TTC27: variants seen among roughly 807,000 people sequenced by gnomAD.
TTC27 encodes the protein tetratricopeptide repeat domain 27.
In TTC27, 79 loss-of-function variants were observed where a neutral mutation model predicts 115.9. The ratio of observed to expected loss-of-function variants is 0.68; its 90% CI spans 0.57 to 0.82. The LOEUF (loss-of-function observed/expected upper bound fraction) is 0.82. Among genes scored for constraint, TTC27 ranks in the 40% least tolerant of loss-of-function variants. The probability of loss-of-function intolerance (pLI) is 0.00; values close to 1 mark genes in which losing one functional copy is unlikely to be tolerated. For missense variants in TTC27, 1,054 were observed against 993.1 expected (o/e 1.06, Z -0.82); for synonymous variants, 401 against 356.0 (o/e 1.13, Z -1.42).
At chr2:32,684,355 T>C (rs948571328) in intron 9 of TTC27, among the ~76,000 whole-genome samples, 5 of 152,032 alleles carry the variant, frequency 3.3e-5, no homozygotes, top group Admixed American at 3.3e-4. Context: ...TCCAAGTCTT[T>C]GCTATTGTGA....
chr2:32,797,874 A>G (rs1302619728), intron 16 of TTC27, among the ~76,000 whole-genome samples: 1 of 152,194 alleles, frequency 6.6e-6, no homozygotes, highest in Non-Finnish European at 1.5e-5. Context: ...TGATAAGGGA[A>G]TAATATCCAG....
At chr2:32,696,505 G>A (rs1666994933) in intron 9 of TTC27, among the ~76,000 whole-genome samples, 1 of 151,772 alleles carries the variant, frequency 6.6e-6, no homozygotes, top group Admixed American at 6.6e-5. Context: ...TGTTGCCCAG[G>A]CTGGTTTCAA....
At chr2:32,791,763 T>G (rs966420538) in intron 16 of TTC27, among the ~76,000 whole-genome samples, 1 of 152,122 alleles carries the variant, frequency 6.6e-6, no homozygotes, top group Non-Finnish European at 1.5e-5. Flanking sequence ...CAGCCCCAGC[T>G]ACTTGTGAGG....
chr2:32,696,464 G>T (rs34594070), intron 9 of TTC27, among the ~76,000 whole-genome samples: 82,519 of 150,798 alleles, frequency 0.55, 23,542 homozygotes, highest in East Asian at 0.66. Context: ...TAATTTTTTT[G>T]TGTGTTTTTA....
At chr2:32,809,721 C>T (rs1206022820) in intron 16 of TTC27, among the ~76,000 whole-genome samples, 1 of 152,152 alleles carries the variant, frequency 6.6e-6, no homozygotes, top group East Asian at 1.9e-4. Context: ...GACAGATGTG[C>T]CTTTTTATAA....
At chr2:32,727,958 T>C (rs1366891142) in intron 10 of TTC27, among the ~76,000 whole-genome samples, 1 of 151,920 alleles carries the variant, frequency 6.6e-6, no homozygotes, top group Non-Finnish European at 1.5e-5. Flanking sequence ...AAACAGAAGG[T>C]TGAACTGCTC....
chr2:32,640,639 A>G (rs1664606956), intron 4 of TTC27, among the ~76,000 whole-genome samples: 1 of 152,178 alleles, frequency 6.6e-6, no homozygotes, highest in Admixed American at 6.6e-5. Context: ...TTATGTGTGT[A>G]CTGTGTAGAT....
At chr2:32,764,584 C>A (rs1558332022) in intron 13 of TTC27, among the ~76,000 whole-genome samples, 1 of 152,130 alleles carries the variant, frequency 6.6e-6, no homozygotes, top group African/African-American at 2.4e-5. Flanking sequence ...TGTGGCAATT[C>A]CTTAAAATAA....
chr2:32,802,119 A>G (rs893338621), intron 16 of TTC27, among the ~76,000 whole-genome samples: 24 of 131,760 alleles, frequency 1.8e-4, no homozygotes, highest in African/African-American at 6.5e-4. Flanking sequence ...AACCCCAAGG[A>G]AAAAAAAAAC....
chr2:32,728,502 C>T (rs1340771156), intron 10 of TTC27, among the ~76,000 whole-genome samples: 5 of 152,214 alleles, frequency 3.3e-5, no homozygotes, highest in African/African-American at 1.2e-4. Context: ...GATCAGGCCA[C>T]ACCCTGTCTC....
intron 4 of TTC27, among the ~76,000 whole-genome samples, chr2:32,645,801 C>T (rs967486908): frequency 1.3e-5 from 2 of 151,760 alleles, no homozygotes; most frequent in African/African-American, 2.4e-5. Context: ...AGTGCAACCT[C>T]CGCCTCCCGG....
chr2:32,692,747 A>G (rs879751900), intron 9 of TTC27, among the ~76,000 whole-genome samples: 13 of 152,080 alleles, frequency 8.5e-5, no homozygotes, highest in Non-Finnish European at 1.3e-4. Context: ...CAAGGTGAGC[A>G]GATCACTTGA....
intron 4 of TTC27, among the ~76,000 whole-genome samples, chr2:32,648,436 CT>C (rs35446780): frequency 0.66 from 73,715 of 111,792 alleles, 23,239 homozygotes; most frequent in African/African-American, 0.74. Context: ...GGCACCCCCC[CT>C]TTTTTTTTTT....
At chr2:32,686,455 G>A (rs190739277) in intron 9 of TTC27, among the ~76,000 whole-genome samples, 167 of 151,700 alleles carry the variant, frequency 1.1e-3, no homozygotes, top group African/African-American at 3.8e-3. Context: ...TGTCTCCTGG[G>A]CTCAAGCATT....
chr2:32,653,370 G>C (rs991476770), intron 5 of TTC27, among the ~76,000 whole-genome samples: 2 of 152,090 alleles, frequency 1.3e-5, no homozygotes, highest in African/African-American at 2.4e-5. Flanking sequence ...TGACGCAGTG[G>C]ATCACCTGAG....
At chr2:32,656,295 A>G (rs1665313126) in intron 5 of TTC27, among the ~76,000 whole-genome samples, 1 of 152,196 alleles carries the variant, frequency 6.6e-6, no homozygotes, top group Admixed American at 6.6e-5. Flanking sequence ...AATGCAGAGT[A>G]AGGAATGAGG....
At chr2:32,639,682 G>A (rs1307524681) in intron 3 of TTC27, among the ~76,000 whole-genome samples, 1 of 152,148 alleles carries the variant, frequency 6.6e-6, no homozygotes, top group Non-Finnish European at 1.5e-5. Flanking sequence ...TTCAATGCTA[G>A]CATTTTTTTT....
chr2:32,714,163 CTT>C (rs1197993683), intron 10 of TTC27, among the ~76,000 whole-genome samples: 2 of 140,770 alleles, frequency 1.4e-5, no homozygotes, highest in South Asian at 2.3e-4. Flanking sequence ...GCCCCCCCGC[CTT>C]TTTTTTTTTT....
At chr2:32,716,566 C>T (rs1268723088) in intron 10 of TTC27, among the ~76,000 whole-genome samples, 1 of 152,300 alleles carries the variant, frequency 6.6e-6, no homozygotes, top group South Asian at 2.1e-4. Flanking sequence ...TGATTCCACA[C>T]TATGACTAAG....
Sources: allele counts gnomAD v4.1 joint callset (sites outside exome capture counted in the v4.1 genomes callset), GRCh38; gene constraint gnomAD v4.1.1; transcripts MANE v1.5; gene names NCBI Gene and HGNC (gene_info 2026-07-23, HGNC 2026-07-21).